Variants in SEPTIN9 observed in about 807,000 individuals in gnomAD.
SEPTIN9 encodes the protein septin 9, also known as septin-9.
In SEPTIN9, 13 loss-of-function variants were observed where a neutral mutation model predicts 56.6. That is an observed-to-expected ratio of 0.23 (90% CI 0.15 to 0.37). The LOEUF is 0.37. SEPTIN9 is among the 10% of genes least tolerant of loss of function. The probability of loss-of-function intolerance (pLI) is 1.00; values close to 1 mark genes in which losing one functional copy is unlikely to be tolerated. For missense variants in SEPTIN9, 650 were observed against 823.1 expected (o/e 0.79, Z 2.57); for synonymous variants, 332 against 334.1 (o/e 0.99, Z 0.07).
At chr17:77,315,860 C>T (rs2032684668) in intron 2 of SEPTIN9, among the ~76,000 whole-genome samples, 3 of 152,136 alleles carry the variant, frequency 2.0e-5, no homozygotes, top group African/African-American at 7.2e-5. Flanking sequence ...ACAGGGATGC[C>T]GCCCTGAGAA....
At chr17:77,357,009 C>T (rs1049117483) in intron 2 of SEPTIN9, among the ~76,000 whole-genome samples, 9 of 151,936 alleles carry the variant, frequency 5.9e-5, no homozygotes, top group African/African-American at 1.7e-4. Context: ...GTCGGCCAGA[C>T]GTCCAGAAGC....
rs1358262495 is a variant in SEPTIN9, at chr17:77,318,514, T to C, written c.76+11317T>C. Among the ~76,000 whole-genome samples the C allele has an allele frequency of 2.6e-5, 4 of 152,280 alleles. No individual in the cohort carries two copies. The highest frequency in any genetic ancestry group is 1.3e-4 in the Admixed American group (2 of 15,296). Reference sequence around the variant, plus strand: ...CTATCCCTGGGGCCATTATTCAGCCTTCTCTCGTGACTATGATCCCTCCCT... The same window carrying C: ...CTATCCCTGGGGCCATTATTCAGCCCTCTCTCGTGACTATGATCCCTCCCT... On this transcript the variant is annotated intron_variant, in intron 2 of 11. Transcript: ENST00000427177. The surrounding 1 kb of genome is among the most constrained non-coding windows in gnomAD (Gnocchi z 4.9).
chr17:77,397,420 C>T (rs1414591918), intron 2 of SEPTIN9, among the ~76,000 whole-genome samples: 1 of 152,182 alleles, frequency 6.6e-6, no homozygotes. Flanking sequence ...CCAGGATAGT[C>T]TCATCCCGGG....
At chr17:77,309,402 A>G (rs971118875) in intron 2 of SEPTIN9, among the ~76,000 whole-genome samples, 5 of 152,108 alleles carry the variant, frequency 3.3e-5, no homozygotes, top group Non-Finnish European at 5.9e-5. Context: ...CTGGCCCGAG[A>G]CACCCTTTCC....
At chr17:77,382,702 C>G (rs2035187451) in intron 2 of SEPTIN9, among the ~76,000 whole-genome samples, 3 of 152,112 alleles carry the variant, frequency 2.0e-5, no homozygotes, top group African/African-American at 4.8e-5. Context: ...GGCTGCTTTG[C>G]TTTTTTTTCT....
chr17:77,378,846 C>T (rs1420047483), intron 2 of SEPTIN9, among the ~76,000 whole-genome samples: 2 of 151,992 alleles, frequency 1.3e-5, no homozygotes, highest in East Asian at 1.9e-4. Flanking sequence ...TCTACCCCCA[C>T]CCCCACCCTG....
At chr17:77,394,101 G>A (rs116303241) in intron 2 of SEPTIN9, among the ~76,000 whole-genome samples, 4,917 of 152,214 alleles carry the variant, frequency 0.032, 265 homozygotes, top group African/African-American at 0.11. Flanking sequence ...TTTGGGCCTC[G>A]TCCCCCAAGT....
chr17:77,497,264 G>A (rs2040310072), intron 10 of SEPTIN9, 51 bp from the exon 11 acceptor site: 2 of 1,565,856 alleles, frequency 1.3e-6, no homozygotes, highest in South Asian at 2.3e-5. Flanking sequence ...GTGGGGTCCG[G>A]GCAGAGTTTC....
chr17:77,284,522 G>A (rs780565307), intron 1 of SEPTIN9, among the ~76,000 whole-genome samples: 3 of 152,218 alleles, frequency 2.0e-5, no homozygotes, highest in Non-Finnish European at 2.9e-5. Context: ...CCAGCCCCTT[G>A]GGATTAAATC....
rs1037781597 is a variant in SEPTIN9, at chr17:77,492,434, C to T, written c.1381-187C>T. The stretch of plus-strand genomic sequence containing the variant: ...AGCGTCGCTCAGGACAGCAGGTGCA[C>T]CTGCAGCTGCCCCTCTTCCCTCCAG... On this transcript the variant is annotated intron_variant, in intron 8 of 11. Coordinates refer to ENST00000427177, the MANE Select transcript of SEPTIN9 (RefSeq NM_001113491.2). The surrounding 1 kb of genome is among the most constrained non-coding windows in gnomAD (Gnocchi z 5.4). Among the ~76,000 whole-genome samples the T allele has an allele frequency of 1.3e-5, 2 of 152,040 alleles. No individual in the cohort carries two copies. The highest frequency in any genetic ancestry group is 4.8e-5 in the African/African-American group (2 of 41,372).
chr17:77,287,492 G>T (rs2031334274), intron 1 of SEPTIN9, among the ~76,000 whole-genome samples: 1 of 152,202 alleles, frequency 6.6e-6, no homozygotes. Context: ...GCGTCTGCCG[G>T]GCGCTGCTGA....
chr17:77,475,250 A>G lies in SEPTIN9; in HGVS notation c.722-6894A>G, dbSNP rs1050742237. ...CCGCACACATCATTATTCAGTTACC[A>G]TCGTGGGGAGACTGTCTGGACGCAG... On this transcript the variant is annotated intron_variant, in intron 3 of 11. Transcript: ENST00000427177. This position sits in a 1 kb window ranked among gnomAD's most constrained non-coding sequence, Gnocchi z 4.6. 1.5e-6 allele frequency: 2 copies of G among 1,366,562 alleles called. No homozygotes were observed. The highest frequency in any genetic ancestry group is 2.9e-5 in the African/African-American group (2 of 68,682). 84.7% of individuals were successfully genotyped at this position (1,366,562 alleles called of 1,614,324 possible).
At chr17:77,399,391 A>G (rs1365159204) in intron 2 of SEPTIN9, among the ~76,000 whole-genome samples, 3 of 152,130 alleles carry the variant, frequency 2.0e-5, no homozygotes, top group African/African-American at 4.8e-5. Context: ...GGACACCTGG[A>G]AGCCGGCCCC....
intron 2 of SEPTIN9, among the ~76,000 whole-genome samples, chr17:77,383,178 C>G (rs55796692): frequency 0.58 from 58,214 of 101,068 alleles, 12,187 homozygotes; most frequent in Non-Finnish European, 0.6. Flanking sequence ...CTCTCCCTCC[C>G]TCCTTCTCTC....
chr17:77,340,310 T>G (rs981380854), intron 2 of SEPTIN9, among the ~76,000 whole-genome samples: 1 of 151,362 alleles, frequency 6.6e-6, no homozygotes, highest in Non-Finnish European at 1.5e-5. Flanking sequence ...CTGAATAATT[T>G]TTGTATTTTT....
At position 77,405,105 on chromosome 17, in the gene SEPTIN9, G is replaced by T; in HGVS notation, c.721+2402G>T. ...TAAATCTCGGTGATGGCTGGTGCTG[G>T]ATGCACAGGGACGTGGTCCTGGCTC... On this transcript the variant is annotated intron_variant, in intron 3 of 11. Transcript: ENST00000427177. The surrounding 1 kb of genome is among the most constrained non-coding windows in gnomAD (Gnocchi z 5.8). 1 of 1,535,518 alleles carries T rather than the reference G, an allele frequency of 6.5e-7. No homozygotes were observed. Among genetic ancestry groups the T allele is most frequent in the South Asian group, 1.2e-5 (1 of 84,040 alleles).
chr17:77,424,570 T>C (rs1045386503), intron 3 of SEPTIN9, among the ~76,000 whole-genome samples: 1 of 152,194 alleles, frequency 6.6e-6, no homozygotes, highest in African/African-American at 2.4e-5. Context: ...GCTAAGCTCT[T>C]GTTCTCCTCC....
intron 10 of SEPTIN9, 53 bp from the exon 11 acceptor site, chr17:77,497,262 C>T (rs369950661): frequency 1.6e-5 from 25 of 1,554,310 alleles, no homozygotes; most frequent in South Asian, 2.3e-5. Context: ...AGGTGGGGTC[C>T]GGGCAGAGTT....
At position 77,425,558 on chromosome 17, in the gene SEPTIN9, C is replaced by T. The variant is rs2036875061; in HGVS notation, c.721+22855C>T. On this transcript the variant is annotated intron_variant, in intron 3 of 11. Coordinates refer to ENST00000427177, the MANE Select transcript of SEPTIN9 (RefSeq NM_001113491.2). The surrounding 1 kb of genome is among the most constrained non-coding windows in gnomAD (Gnocchi z 4.2). ...AGCTGAGCTGGCGGGCCTCGCACAC[C>T]CCCAAGGCCGCCTGACTTCCAGCCT... is the stretch of plus-strand genomic sequence containing the variant. Among the ~76,000 whole-genome samples the T allele has an allele frequency of 6.6e-6, 1 of 152,170 alleles. No individual in the cohort carries two copies. Among genetic ancestry groups the T allele is most frequent in the African/African-American group, 2.4e-5 (1 of 41,426 alleles).
Sources: allele counts gnomAD v4.1 joint callset (sites outside exome capture counted in the v4.1 genomes callset), GRCh38; gene constraint gnomAD v4.1.1; non-coding constraint Gnocchi (gnomAD v3.1); transcripts MANE v1.5; gene names NCBI Gene and HGNC (gene_info 2026-07-23, HGNC 2026-07-21).